Variants in BAAT observed in about 807,000 individuals in gnomAD.
BAAT encodes bile acid CoA: amino acid N-acyltransferase (glycine N-choloyltransferase).
BAAT carries 13 observed loss-of-function variants against 18.9 expected under a neutral mutation model. That is an observed-to-expected ratio of 0.69 (90% confidence interval 0.45 to 1.10). BAAT has a LOEUF of 1.10. BAAT is among the 50% of genes least tolerant of loss of function. The pLI is 0.00. For missense variants in BAAT, 489 were observed against 504.0 expected, an observed-to-expected ratio of 0.97 and a Z score of 0.28; for synonymous variants, 170 against 190.7, an observed-to-expected ratio of 0.89 and a Z score of 0.89.
rs748635824 is a variant in BAAT, at chr9:101,371,130, A to C, written c.275T>G (p.Leu92Trp). 1.2e-5 allele frequency: 20 copies of C among 1,613,978 alleles called. No homozygotes were observed. In the South Asian group the frequency reaches 2.2e-4, roughly 18 times the overall value. ...LKPEKLLTRL[L>W]KRDVMNRPFQ... ...AGGCCTATTCATCACATCTCTTTTCAACAGTCTTGTTAATAGCTTTTCAGG... is the reference window on the plus strand; with the variant it reads ...AGGCCTATTCATCACATCTCTTTTCCACAGTCTTGTTAATAGCTTTTCAGG... Residue 92 changes from leucine to tryptophan, a missense_variant, in exon 2 of 4, where the codon TTG becomes TGG. Physicochemically the swap from Leu to Trp is moderately conservative, Grantham distance 61. Transcript: ENST00000259407.
Position 101,368,014 on chromosome 9 carries a change from T to C in BAAT, c.669+106A>G, listed in dbSNP as rs1424938062. 6.6e-6 allele frequency: 8 copies of C among 1,204,068 alleles called. No individual in the cohort carries two copies. In the Admixed American group the frequency reaches 9.4e-5, roughly 14 times the overall value. The allele number at this position is 1,204,068 out of a possible 1,614,324, so 74.6% of individuals were successfully genotyped here. A position where few individuals can be genotyped will look rare whatever the true frequency, so the allele number is the denominator to read the frequency against. The stretch of plus-strand genomic sequence containing the variant: ...CTGGCCAAGTGTCAGATCATGCCAC[T>C]GCACTCCAGCCTGGGTGACGGAGCA... On this transcript the variant is annotated intron_variant, in intron 3 of 3. Transcript: ENST00000259407.
intron 2 of BAAT, among the ~76,000 whole-genome samples, chr9:101,370,404 C>T (rs192412634): frequency 5.4e-4 from 81 of 148,980 alleles, no homozygotes; most frequent in African/African-American, 1.9e-3. Context: ...CCTCAATCTC[C>T]GAGGCTCAAG....
At chr9:101,366,216 T>C (rs974960093) in intron 3 of BAAT, among the ~76,000 whole-genome samples, 4 of 151,884 alleles carry the variant, frequency 2.6e-5, no homozygotes, top group African/African-American at 7.3e-5. Context: ...GATTTGGCCA[T>C]GAAAGATAAA....
At chr9:101,368,875 C>T (rs773693326) in intron 2 of BAAT, among the ~76,000 whole-genome samples, 1 of 152,146 alleles carries the variant, frequency 6.6e-6, no homozygotes, top group Non-Finnish European at 1.5e-5. Flanking sequence ...CAAAGAAATA[C>T]ATGATTCAAA....
At chr9:101,365,343 T>C (rs1022584729) in intron 3 of BAAT, among the ~76,000 whole-genome samples, 3 of 151,478 alleles carry the variant, frequency 2.0e-5, no homozygotes, top group Non-Finnish European at 4.4e-5. Flanking sequence ...ATACAACTCA[T>C]GCCAAGCTGA....
At chr9:101,366,592 C>A (rs529061567) in intron 3 of BAAT, among the ~76,000 whole-genome samples, 25 of 151,996 alleles carry the variant, frequency 1.6e-4, no homozygotes, top group African/African-American at 5.1e-4. Context: ...ATAAGGGGAA[C>A]GAGGCAAAGA....
Position 101,362,448 on chromosome 9 carries a change from C to T in BAAT, c.1237G>A (p.Asp413Asn), listed in dbSNP as rs765026682. 4.3e-6 allele frequency: 7 copies of T among 1,613,944 alleles called. No individual in the cohort carries two copies. The East Asian group carries it at 1.6e-4, about 36-fold the overall frequency. Residue 413 changes from aspartate to asparagine, a missense_variant, in exon 4 of 4, where the codon GAT (aspartate) becomes AAT (asparagine). Asp to Asn is a conservative substitution (Grantham distance 23). Coordinates refer to ENST00000259407, the MANE Select transcript of BAAT (RefSeq NM_001701.4). ...QRFLRKHLIP[D>N]VTSQL ...TCTTCTTAGAGTTGACTGGTCACAT[C>T]TGGAATGAGGTGCTTCCTGAGAAAT...
chr9:101,382,280 A>G (rs1473186380), intron 1 of BAAT, among the ~76,000 whole-genome samples: 1 of 152,222 alleles, frequency 6.6e-6, no homozygotes, highest in Non-Finnish European at 1.5e-5. Context: ...AATGAGCTCA[A>G]ACATGCACAT....
intron 1 of BAAT, among the ~76,000 whole-genome samples, chr9:101,377,490 T>G (rs746039312): frequency 3.9e-5 from 6 of 152,116 alleles, no homozygotes; most frequent in Non-Finnish European, 7.4e-5. Flanking sequence ...AGTACAGAAG[T>G]TCCTGAGACT....
In BAAT at chr9:101,369,939, T is replaced by G. The variant is rs1829901906; in HGVS notation, c.466+1000A>C. Reference sequence around the variant, plus strand: ...AGCGTTCTGATAAGTTTTATAGCCATTAGGAAGCATGCTATATTATTAGAT... The same window carrying G: ...AGCGTTCTGATAAGTTTTATAGCCAGTAGGAAGCATGCTATATTATTAGAT... On this transcript the variant is annotated intron_variant, in intron 2 of 3. Transcript: ENST00000259407. Among the ~76,000 whole-genome samples the G allele has an allele frequency of 2.0e-5, 3 of 152,148 alleles. No homozygotes were observed. The South Asian group carries it at 6.2e-4, about 31-fold the overall frequency.
intron 1 of BAAT, among the ~76,000 whole-genome samples, chr9:101,372,771 A>G (rs2119028988): frequency 6.6e-6 from 1 of 152,288 alleles, no homozygotes. Flanking sequence ...ATGCTGATTT[A>G]CAATTATGAT....
chr9:101,380,878 G>A lies in BAAT; in HGVS notation c.-60+3977C>T, dbSNP rs564498903. Among the ~76,000 whole-genome samples, 49 of 151,640 alleles carry A rather than the reference G, an allele frequency of 3.2e-4. No homozygotes were observed. In the East Asian group the frequency reaches 8.4e-3, roughly 26 times the overall value. On this transcript the variant is annotated intron_variant, in intron 1 of 3. Coordinates refer to ENST00000259407, the MANE Select transcript of BAAT (RefSeq NM_001701.4). ...AGTGATTCTCCTGCCTCAGCCTCCC[G>A]AGTAGCTGGGATTACAGGCACCCAC... is the stretch of plus-strand genomic sequence containing the variant.
chr9:101,366,860 A>G (rs1224686397), intron 3 of BAAT, among the ~76,000 whole-genome samples: 6 of 149,254 alleles, frequency 4.0e-5, no homozygotes, highest in Non-Finnish European at 7.5e-5. Flanking sequence ...ATTCTTATTA[A>G]AAAAAAAAAT....
chr9:101,366,619 T>C (rs1829832656), intron 3 of BAAT, among the ~76,000 whole-genome samples: 2 of 151,934 alleles, frequency 1.3e-5, no homozygotes, highest in Admixed American at 1.3e-4. Context: ...AAAAAGAGAA[T>C]CACATAACCT....
rs140848255 is a variant in BAAT, at chr9:101,370,993, T to C, written c.412A>G (p.Thr138Ala). Reference protein sequence around the residue: ...LERWYVAPGVTRIKVREGRLR... With the variant: ...LERWYVAPGVARIKVREGRLR... ...CGGCCTTCTCGAACCTTAATTCGTG[T>C]GACACCAGGTGCCACATACCACCTC... Residue 138 changes from threonine (T) to alanine (A), a missense_variant, in exon 2 of 4, where the codon ACA (threonine) becomes GCA (alanine). By Grantham distance (58) the Thr-to-Ala change is moderately conservative. Transcript: ENST00000259407. The C allele has an allele frequency of 5.6e-6, 9 of 1,614,012 alleles. No individual in the cohort carries two copies. The highest frequency in any genetic ancestry group is 6.8e-6 in the Non-Finnish European group (8 of 1,180,008).
At chr9:101,369,210 C>A (rs1829883366) in intron 2 of BAAT, among the ~76,000 whole-genome samples, 1 of 151,952 alleles carries the variant, frequency 6.6e-6, no homozygotes, top group Non-Finnish European at 1.5e-5. Flanking sequence ...GTGATCCCAT[C>A]CATATTTGAA....
chr9:101,366,685 T>G (rs1184943787), intron 3 of BAAT, among the ~76,000 whole-genome samples: 3 of 152,144 alleles, frequency 2.0e-5, no homozygotes, highest in Non-Finnish European at 4.4e-5. Context: ...TTGACTGACA[T>G]TTCGAGGGCA....
Position 101,363,034 on chromosome 9 carries a change from A to G in BAAT, c.670-19T>C. The G allele has an allele frequency of 6.2e-7, 1 of 1,600,848 alleles. No homozygotes were observed. Among genetic ancestry groups the G allele is most frequent in the Non-Finnish European group, 8.5e-7 (1 of 1,170,230 alleles). On this transcript the variant is annotated intron_variant, in intron 3 of 3. Transcript: ENST00000259407. ...CAAAGACCTGAAAAAAATAATAGAAATGAGAAATTATTCTAGCCTTCATTT... is the reference window on the plus strand; with the variant it reads ...CAAAGACCTGAAAAAAATAATAGAAGTGAGAAATTATTCTAGCCTTCATTT...
chr9:101,369,846 A>G (rs1829899317), intron 2 of BAAT, among the ~76,000 whole-genome samples: 1 of 152,184 alleles, frequency 6.6e-6, no homozygotes, highest in South Asian at 2.1e-4. Context: ...ATAAACTCTG[A>G]GAAATGTACC....
Sources: allele counts gnomAD v4.1 joint callset (sites outside exome capture counted in the v4.1 genomes callset), GRCh38; gene constraint gnomAD v4.1.1; transcripts MANE v1.5; gene names NCBI Gene and HGNC (gene_info 2026-07-23, HGNC 2026-07-21).